Variants in C14orf93 observed in about 807,000 individuals in gnomAD.
C14orf93 encodes the protein uncharacterized protein C14orf93.
C14orf93 carries 23 observed loss-of-function variants against 44.0 expected under a neutral mutation model. The observed-to-expected ratio is 0.52, with a 90% CI of 0.38 to 0.74. The LOEUF (loss-of-function observed/expected upper bound fraction) is 0.74, where lower values mean the gene tolerates loss of function less well. C14orf93 is among the 30% of genes least tolerant of loss of function. The probability of loss-of-function intolerance (pLI) is 0.00; values close to 1 mark genes in which losing one functional copy is unlikely to be tolerated. For missense variants in C14orf93, 579 were observed against 678.9 expected (o/e 0.85, Z 1.64); for synonymous variants, 253 against 265.7 (o/e 0.95, Z 0.46).
In C14orf93 at chr14:22,998,559, C is replaced by T. The variant is rs2046128238; in HGVS notation, c.465G>A (p.Val155=). The stretch of plus-strand genomic sequence containing the variant: ...CTCCCAGCTGCCGCAGCTCCTCAAT[C>T]ACCACCTGCACGCCGCTGCCCACGC... ...CDSVGSGVQV[V]IEELRQLGAA... Residue 155 remains valine (V), a synonymous_variant, in exon 2 of 7, where the codon GTG becomes GTA. Transcript: ENST00000299088. The T allele has an allele frequency of 6.2e-7, 1 of 1,613,978 alleles. No homozygotes were observed. Among genetic ancestry groups the T allele is most frequent in the African/African-American group, 1.3e-5 (1 of 74,908 alleles).
At chr14:22,992,337 G>A (rs2045692176) in intron 3 of C14orf93, among the ~76,000 whole-genome samples, 1 of 151,692 alleles carries the variant, frequency 6.6e-6, no homozygotes, top group Non-Finnish European at 1.5e-5. Flanking sequence ...GTGGTGGCGT[G>A]CGACTGTAGT....
intron 3 of C14orf93, among the ~76,000 whole-genome samples, chr14:22,990,486 T>G (rs1006720510): frequency 3.9e-5 from 6 of 152,038 alleles, no homozygotes; most frequent in Admixed American, 6.6e-5. Flanking sequence ...TTTTTTTTTT[T>G]TGAGATGGAG....
At chr14:22,992,549 ATATTTATTTATTTATT>A (rs568110834) in intron 3 of C14orf93, among the ~76,000 whole-genome samples, 1 of 150,412 alleles carries the variant, frequency 6.6e-6, no homozygotes, top group African/African-American at 2.4e-5. Flanking sequence ...AGCACCTAAA[ATATTTATTTATTTATT>A]TATTTATTTA....
In C14orf93 at chr14:22,999,160, T is replaced by G. The variant is rs2046169088; in HGVS notation, c.-137A>C. 1.5e-6 allele frequency: 2 copies of G among 1,363,174 alleles called. No homozygotes were observed. Among genetic ancestry groups the G allele is most frequent in the Non-Finnish European group, 1.9e-6 (2 of 1,026,120 alleles). 84.4% of individuals were successfully genotyped at this position (1,363,174 alleles called of 1,614,324 possible). A position where few individuals can be genotyped will look rare whatever the true frequency, so the allele number is the denominator to read the frequency against. ...CCCAGGCCCCAAGCTGTAGGGTCTG[T>G]GAAAGAAGAGTAAACAAGCCATGAA... On this transcript the variant is annotated 5_prime_UTR_variant, in exon 2 of 7. Transcript: ENST00000299088.
At chr14:22,989,927 T>C (rs2045491090) in intron 4 of C14orf93, 82 bp from the exon 5 acceptor site, 2 of 1,462,874 alleles carry the variant, frequency 1.4e-6, no homozygotes, top group African/African-American at 2.8e-5. Flanking sequence ...CTAATCAACT[T>C]TGTGGCAAAT....
chr14:22,989,660 C>T lies in C14orf93; in HGVS notation c.1084+82G>A, dbSNP rs547193215. ...AAACCACCTAATCATCTCTATTATT[C>T]CTCTTCTCCTCTGACCAAGAAAGAG... On this transcript the variant is annotated intron_variant, in intron 5 of 6. Transcript: ENST00000299088. The T allele has an allele frequency of 1.8e-5, 18 of 1,008,458 alleles. No individual in the cohort carries two copies. The South Asian group carries it at 2.4e-4, about 13-fold the overall frequency. 62.5% of individuals were successfully genotyped at this position (1,008,458 alleles called of 1,614,324 possible). A position where few individuals can be genotyped will look rare whatever the true frequency, so the allele number is the denominator to read the frequency against.
At chr14:22,995,882 C>T (rs1256036089) in intron 3 of C14orf93, 66 bp downstream of exon 3, 14 of 1,450,212 alleles carry the variant, frequency 9.7e-6, no homozygotes, top group Non-Finnish European at 1.3e-5. Context: ...TAAAATCAAC[C>T]CACCCATCAC....
chr14:23,003,068 T>A (rs1054230959), intron 1 of C14orf93, among the ~76,000 whole-genome samples: 5 of 152,230 alleles, frequency 3.3e-5, no homozygotes, highest in Non-Finnish European at 7.3e-5. Context: ...CTAAGGATAA[T>A]ATTTTATGCT....
In C14orf93 at chr14:22,998,480, G is replaced by T. The variant is rs575344242; in HGVS notation, c.544C>A (p.Arg182=). ...LGFPATQRDM[R]LPGCTLAASE... ...GCAGCCAGCGTGCACCCTGGGAGCC[G>T]CATGTCCCTCTGAGTTGCTGGGAAG... Residue 182 remains arginine, a synonymous_variant, in exon 2 of 7, where the codon CGG becomes AGG. Transcript: ENST00000299088. 1.9e-6 allele frequency: 3 copies of T among 1,605,050 alleles called. No homozygotes were observed. The Admixed American group carries it at 5.1e-5, about 27-fold the overall frequency.
At chr14:22,989,703 G>T in intron 5 of C14orf93, 39 bp downstream of exon 5, 1 of 1,345,100 alleles carries the variant, frequency 7.4e-7, no homozygotes, top group South Asian at 1.2e-5. Flanking sequence ...AGGAGAGGGG[G>T]AGAAAGGATG....
chr14:22,990,033 C>A, intron 4 of C14orf93, 33 bp downstream of exon 4: 1 of 1,583,322 alleles, frequency 6.3e-7, no homozygotes, highest in Non-Finnish European at 8.7e-7. Flanking sequence ...TAGCAAAGTA[C>A]CTTCTAATTC....
chr14:23,008,587 C>G (rs1232553899), intron 1 of C14orf93, among the ~76,000 whole-genome samples: 1 of 151,758 alleles, frequency 6.6e-6, no homozygotes, highest in African/African-American at 2.4e-5. Context: ...ACCTCATATA[C>G]CTCCTATGCT....
chr14:23,010,065 C>T (rs2046798994), intron 1 of C14orf93, 36 bp downstream of exon 1: 1 of 152,020 alleles, frequency 6.6e-6, no homozygotes, highest in African/African-American at 2.4e-5. Flanking sequence ...AAAACACACA[C>T]AAGATTAAGG....
Position 22,996,176 on chromosome 14 carries a change from T to G in C14orf93, c.690A>C (p.Ala230=), listed in dbSNP as rs2045962016. The G allele has an allele frequency of 1.9e-6, 3 of 1,613,502 alleles. No individual in the cohort carries two copies. Among genetic ancestry groups the G allele is most frequent in the Non-Finnish European group, 2.5e-6 (3 of 1,179,678 alleles). ...AKQLSPATQL[A]IQRATPETGP... Reference sequence around the variant, plus strand: ...CTGTCTCTGGGGTTGCCCGCTGGATTGCCAGTTGTGTGGCTGGTGAGAGTT... The same window carrying G: ...CTGTCTCTGGGGTTGCCCGCTGGATGGCCAGTTGTGTGGCTGGTGAGAGTT... The change falls in exon 3 of 7, where the codon GCA becomes GCC. Residue 230 remains alanine, a synonymous_variant. Coordinates refer to ENST00000299088, the MANE Select transcript of C14orf93 (RefSeq NM_021944.4). This position sits in a 1 kb window ranked among gnomAD's most constrained non-coding sequence, Gnocchi z 4.1.
At chr14:22,992,083 G>T (rs947079214) in intron 3 of C14orf93, among the ~76,000 whole-genome samples, 1 of 152,178 alleles carries the variant, frequency 6.6e-6, no homozygotes, top group Non-Finnish European at 1.5e-5. Flanking sequence ...CATTAAACAG[G>T]CTGTCTTTCC....
chr14:22,988,268 G>C (rs1223729746), intron 5 of C14orf93, among the ~76,000 whole-genome samples: 1 of 152,028 alleles, frequency 6.6e-6, no homozygotes, highest in Non-Finnish European at 1.5e-5. Context: ...CGAGTAGCTG[G>C]GATTACAGGC....
rs2045312145 is a variant in C14orf93, at chr14:22,987,674, A to G, written c.1198-40T>C. 6.6e-7 allele frequency: 1 copy of G among 1,526,346 alleles called. No individual in the cohort carries two copies. 94.6% of individuals were successfully genotyped at this position (1,526,346 alleles called of 1,614,324 possible). ...CAGGAGATAGATTAGGAAGGTAAAC[A>G]TTCTATGGATTAGATTTGGGGAAAA... On this transcript the variant is annotated intron_variant, in intron 6 of 6. Coordinates refer to ENST00000299088, the MANE Select transcript of C14orf93 (RefSeq NM_021944.4). This position sits in a 1 kb window ranked among gnomAD's most constrained non-coding sequence, Gnocchi z 5.6.
intron 1 of C14orf93, among the ~76,000 whole-genome samples, chr14:23,008,571 C>T (rs1033280263): frequency 6.6e-6 from 1 of 151,970 alleles, no homozygotes; most frequent in Non-Finnish European, 1.5e-5. Context: ...CAGTTTCTCC[C>T]TCAGCACCTC....
rs776935863 is a variant in C14orf93, at chr14:22,987,872, A to G, written c.1197+31T>C. Reference sequence around the variant, plus strand: ...CCACTTAGGAAAGGGTTTAGAGTTTAGTATCTTGAAAGAAAGGCCTAGAAA... The same window carrying G: ...CCACTTAGGAAAGGGTTTAGAGTTTGGTATCTTGAAAGAAAGGCCTAGAAA... On this transcript the variant is annotated intron_variant, in intron 6 of 6. Coordinates refer to ENST00000299088, the MANE Select transcript of C14orf93 (RefSeq NM_021944.4). This position sits in a 1 kb window ranked among gnomAD's most constrained non-coding sequence, Gnocchi z 5.6. 3.9e-6 allele frequency: 6 copies of G among 1,541,114 alleles called. No homozygotes were observed. The Admixed American group carries it at 1.0e-4, about 26-fold the overall frequency.
Sources: allele counts gnomAD v4.1 joint callset (sites outside exome capture counted in the v4.1 genomes callset), GRCh38; gene constraint gnomAD v4.1.1; non-coding constraint Gnocchi (gnomAD v3.1); transcripts MANE v1.5; gene names NCBI Gene and HGNC (gene_info 2026-07-23, HGNC 2026-07-21).